NUP54: variants seen among roughly 807,000 people sequenced by gnomAD.
NUP54 encodes nucleoporin 54.
A neutral mutation model predicts 66.4 loss-of-function variants in NUP54; 27 were observed. That is an observed-to-expected ratio of 0.41 (90% CI 0.30 to 0.56). The LOEUF (loss-of-function observed/expected upper bound fraction) is 0.56, where lower values mean the gene tolerates loss of function less well. Among genes scored for constraint, NUP54 ranks in the 20% least tolerant of loss-of-function variants. The pLI is 0.34. For missense variants in NUP54, 486 were observed against 596.3 expected (o/e 0.82, Z 1.93); for synonymous variants, 206 against 210.7 (o/e 0.98, Z 0.19).
intron 9 of NUP54, among the ~76,000 whole-genome samples, chr4:76,121,274 C>A (rs1158212278): frequency 6.6e-6 from 1 of 152,096 alleles, no homozygotes; most frequent in African/African-American, 2.4e-5. Context: ...TTGTAAATTC[C>A]CTACTCTGTT....
Position 76,132,645 on chromosome 4 carries a change from T to G in NUP54, c.785A>C (p.Tyr262Ser). ...TSRRVPATTL[Y>S]AHFEQANIKT... ...TATATTGGCTTGTTCAAAATGGGCA[T>G]ATAGCGTTGTAGCTGGAACTCTTCT... Residue 262 changes from tyrosine to serine, a missense_variant, in exon 6 of 12, where the codon TAT (tyrosine) becomes TCT (serine). This residue lies in a region of NUP54 where 217 missense variants were observed against 247.9 expected (regional missense o/e 0.88). Coordinates refer to ENST00000264883, the MANE Select transcript of NUP54 (RefSeq NM_017426.4). 1 of 1,614,086 alleles carries G rather than the reference T, an allele frequency of 6.2e-7. No homozygotes were observed. The highest frequency in any genetic ancestry group is 8.5e-7 in the Non-Finnish European group (1 of 1,179,984).
chr4:76,123,185 TTAAA>T (rs1730308295), intron 9 of NUP54, among the ~76,000 whole-genome samples: 1 of 152,186 alleles, frequency 6.6e-6, no homozygotes, highest in African/African-American at 2.4e-5. Flanking sequence ...ATTGTACACT[TTAAA>T]TGAGTAAATA....
At chr4:76,116,107 A>C (rs912689838) in intron 11 of NUP54, among the ~76,000 whole-genome samples, 4 of 152,220 alleles carry the variant, frequency 2.6e-5, no homozygotes, top group African/African-American at 9.6e-5. Flanking sequence ...TTCAATCCCA[A>C]AACAATACAC....
In NUP54 at chr4:76,114,827, TAC is replaced by T. The variant is rs1729878538; in HGVS notation, c.*537_*538del. 6.6e-6 allele frequency: 1 copy of T among 152,168 alleles called. No homozygotes were observed. Among genetic ancestry groups the T allele is most frequent in the South Asian group, 2.1e-4 (1 of 4,830 alleles). The allele number at this position is 152,168 out of a possible 1,614,324, so 9.4% of individuals were successfully genotyped here. A position where few individuals can be genotyped will look rare whatever the true frequency, so the allele number is the denominator to read the frequency against. ...CCAAATAAGTAAAATAATATAAAAATACATTTTCATATCTTTATAGAACAAAA... is the reference window on the plus strand; with the variant it reads ...CCAAATAAGTAAAATAATATAAAAATATTTTCATATCTTTATAGAACAAAA... On this transcript the variant is annotated 3_prime_UTR_variant, in exon 12 of 12. Coordinates refer to ENST00000264883, the MANE Select transcript of NUP54 (RefSeq NM_017426.4).
At chr4:76,135,371 A>G (rs1407209782) in intron 4 of NUP54, among the ~76,000 whole-genome samples, 1 of 152,242 alleles carries the variant, frequency 6.6e-6, no homozygotes, top group South Asian at 2.1e-4. Flanking sequence ...ACCATGTTAT[A>G]CACCAACTTT....
At chr4:76,143,033 A>G (rs1263521177) in intron 3 of NUP54, among the ~76,000 whole-genome samples, 1 of 152,194 alleles carries the variant, frequency 6.6e-6, no homozygotes, top group African/African-American at 2.4e-5. Context: ...CTAATGAATT[A>G]ATGGATCTAG....
At chr4:76,139,555 ACATGAC>A (rs1731176931) in intron 3 of NUP54, among the ~76,000 whole-genome samples, 1 of 152,200 alleles carries the variant, frequency 6.6e-6, no homozygotes, top group East Asian at 1.9e-4. Context: ...AACTTAAGGG[ACATGAC>A]AAGAAAATGA....
rs1175929840 is a variant in NUP54, at chr4:76,131,268, G to A, written c.924C>T (p.Ile308=). 2 of 1,588,842 alleles carry A rather than the reference G, an allele frequency of 1.3e-6. No individual in the cohort carries two copies. The highest frequency in any genetic ancestry group is 1.7e-6 in the Non-Finnish European group (2 of 1,163,402). The change falls in exon 7 of 12, where the codon ATC becomes ATT. Residue 308 remains isoleucine, a synonymous_variant. Transcript: ENST00000264883. ...QNPPAGVDPI[I]WEQAKVDNPD... ...GGTTATCTACCTTGGCCTGTTCCCA[G>A]ATAATAGGATCAACACCTACCACAA...
At chr4:76,140,223 A>G (rs1052321015) in intron 3 of NUP54, among the ~76,000 whole-genome samples, 3 of 152,034 alleles carry the variant, frequency 2.0e-5, no homozygotes, top group Admixed American at 2.0e-4. Context: ...GAGGGAGAAA[A>G]AAAATAGATT....
intron 3 of NUP54, among the ~76,000 whole-genome samples, chr4:76,142,571 TTCACCCATAAAA>T (rs1731309144): frequency 2.0e-5 from 3 of 152,200 alleles, no homozygotes; most frequent in African/African-American, 7.2e-5. Context: ...GGTTCCTCTC[TTCACCCATAAAA>T]TGGGGATAAC....
chr4:76,133,312 G>GTT (rs34663204), intron 5 of NUP54, among the ~76,000 whole-genome samples: 48 of 147,078 alleles, frequency 3.3e-4, no homozygotes, highest in African/African-American at 9.2e-4. Flanking sequence ...GATAGTATTT[G>GTT]TTTTTTTTTT....
intron 9 of NUP54, among the ~76,000 whole-genome samples, chr4:76,122,089 GT>G (rs1231613561): frequency 2.0e-5 from 3 of 152,114 alleles, no homozygotes; most frequent in Admixed American, 1.3e-4. Flanking sequence ...TTTGGTTACA[GT>G]TTCTATTATA....
At chr4:76,134,909 T>A (rs58528289) in intron 4 of NUP54, among the ~76,000 whole-genome samples, 19,991 of 152,052 alleles carry the variant, frequency 0.13, 1,541 homozygotes, top group East Asian at 0.35. Context: ...CTAATGTAAG[T>A]GTTCTGAGCA....
At chr4:76,136,144 T>C (rs912034756) in intron 4 of NUP54, 42 bp downstream of exon 4, 4 of 1,356,632 alleles carry the variant, frequency 2.9e-6, no homozygotes, top group South Asian at 2.4e-5. Context: ...TTTTCTGTTA[T>C]ACAAAATCTT....
chr4:76,117,292 C>A (rs11734758), intron 11 of NUP54, among the ~76,000 whole-genome samples: 73,137 of 151,900 alleles, frequency 0.48, 18,638 homozygotes, highest in East Asian at 0.9. Context: ...CATTGTGTGT[C>A]TATATACTAC....
chr4:76,116,058 T>A (rs1291136440), intron 11 of NUP54, among the ~76,000 whole-genome samples: 1 of 152,138 alleles, frequency 6.6e-6, no homozygotes, highest in African/African-American at 2.4e-5. Flanking sequence ...TACAGGTAAA[T>A]AACCTGCCCA....
chr4:76,135,815 G>C (rs1491002842), intron 4 of NUP54, among the ~76,000 whole-genome samples: 2 of 152,180 alleles, frequency 1.3e-5, no homozygotes, highest in African/African-American at 4.8e-5. Flanking sequence ...GGTTATACAT[G>C]CCAAGGGGAA....
intron 9 of NUP54, 147 bp downstream of exon 9, chr4:76,124,500 CAA>C (rs746875696): frequency 1.2e-5 from 5 of 413,834 alleles, no homozygotes; most frequent in African/African-American, 6.2e-5. Flanking sequence ...TTTCCAATTT[CAA>C]AGTTTTACTG....
chr4:76,136,435 T>C, intron 3 of NUP54, 23 bp from the exon 4 acceptor site: 2 of 1,584,146 alleles, frequency 1.3e-6, no homozygotes, highest in Non-Finnish European at 1.7e-6. Context: ...CCAAAATTAG[T>C]ATTTAAAAAC....
Sources: gnomAD v4.1 joint callset for allele counts (sites outside exome capture counted in the v4.1 genomes callset) on GRCh38, gnomAD v4.1.1 for gene constraint, gnomAD v4.1.1 regional missense constraint, MANE v1.5 for transcripts, NCBI Gene and HGNC (gene_info 2026-07-23, HGNC 2026-07-21) for gene names.